The following SYT16 variants were observed in gnomAD, a reference collection of about 807,000 sequenced individuals.
SYT16 encodes synaptotagmin-16.
In SYT16, 42 loss-of-function variants were observed where a neutral mutation model predicts 61.4. The ratio of observed to expected loss-of-function variants is 0.68; its 90% CI spans 0.53 to 0.89. The LOEUF (loss-of-function observed/expected upper bound fraction) is 0.89. Among genes scored for constraint, SYT16 ranks in the 40% least tolerant of loss-of-function variants. The pLI is 0.00. For missense variants in SYT16, 804 were observed against 807.3 expected, an observed-to-expected ratio of 1.00 and a Z score of 0.05; for synonymous variants, 314 against 302.3, an observed-to-expected ratio of 1.04 and a Z score of -0.40.
At chr14:61,816,707 CTTAGT>C (rs1239983223) in intron 1 of SYT16, among the ~76,000 whole-genome samples, 1 of 152,068 alleles carries the variant, frequency 6.6e-6, no homozygotes, top group African/African-American at 2.4e-5. Flanking sequence ...CTCTTTCTTT[CTTAGT>C]TAAGAACTTC....
At position 61,982,387 on chromosome 14, in the gene SYT16, G is replaced by C. The variant is rs139987906; in HGVS notation, c.-145+12076G>C. Among the ~76,000 whole-genome samples the C allele has an allele frequency of 1.6e-4, 25 of 152,226 alleles. No individual in the cohort carries two copies. In the East Asian group the frequency reaches 4.8e-3, roughly 29 times the overall value. ...GTGACTGGGGAGGCCTCACAATCAT[G>C]GTGGAAGGTGAAAGGCACGTCTTAC... On this transcript the variant is annotated intron_variant, in intron 2 of 7. Transcript: ENST00000683842.
chr14:62,048,163 T>C (rs571810887), intron 3 of SYT16, among the ~76,000 whole-genome samples: 31 of 152,342 alleles, frequency 2.0e-4, no homozygotes, highest in African/African-American at 7.5e-4. Flanking sequence ...AATCTGTTAT[T>C]GGTCCATTCA....
Position 62,088,059 on chromosome 14 carries a change from C to CT in SYT16, c.1624+3682dup, listed in dbSNP as rs577561701. 4.7e-4 allele frequency among the ~76,000 whole-genome samples: 71 copies of CT among 151,944 alleles called. No homozygotes were observed. The East Asian group carries it at 0.012, about 25-fold the overall frequency. ...ACCACTTTGGGAAAAGGCGTAGAAG[C>CT]TTTTTTTTATATAAAACTAAACATG... is the stretch of plus-strand genomic sequence containing the variant. On this transcript the variant is annotated intron_variant, in intron 7 of 7. Transcript: ENST00000683842.
intron 1 of SYT16, among the ~76,000 whole-genome samples, chr14:61,864,532 T>G (rs567883955): frequency 6.6e-6 from 1 of 152,322 alleles, no homozygotes; most frequent in South Asian, 2.1e-4. Flanking sequence ...TATGATGTGG[T>G]AGAGATGAGC....
intron 1 of SYT16, among the ~76,000 whole-genome samples, chr14:61,944,336 C>A (rs1017444016): frequency 3.3e-5 from 5 of 152,120 alleles, no homozygotes; most frequent in Non-Finnish European, 7.4e-5. Flanking sequence ...TCAGTGCTAT[C>A]CCCATCAAGC....
intron 1 of SYT16, among the ~76,000 whole-genome samples, chr14:61,829,957 T>C (rs1390258970): frequency 2.0e-5 from 3 of 152,208 alleles, no homozygotes; most frequent in South Asian, 2.1e-4. Flanking sequence ...CCCGGCTTTA[T>C]TGATATATTT....
chr14:61,966,871 G>A (rs998019651), intron 1 of SYT16, among the ~76,000 whole-genome samples: 1 of 152,166 alleles, frequency 6.6e-6, no homozygotes, highest in Non-Finnish European at 1.5e-5. Context: ...TGGCCAATGT[G>A]TTGTAACATA....
intron 1 of SYT16, among the ~76,000 whole-genome samples, chr14:61,848,909 A>G (rs2140267204): frequency 1.3e-5 from 2 of 152,214 alleles, no homozygotes; most frequent in African/African-American, 4.8e-5. Context: ...ACAGGTGGCA[A>G]TGTGCTGGAT....
At chr14:61,991,692 T>G (rs2052555404) in intron 2 of SYT16, among the ~76,000 whole-genome samples, 4 of 152,204 alleles carry the variant, frequency 2.6e-5, no homozygotes. Context: ...ATTTGGCTTC[T>G]TTCCAATTAT....
At chr14:61,872,290 T>C (rs2047356144) in intron 1 of SYT16, among the ~76,000 whole-genome samples, 1 of 152,226 alleles carries the variant, frequency 6.6e-6, no homozygotes, top group South Asian at 2.1e-4. Context: ...ATATATAATG[T>C]TTTGATACTT....
At chr14:62,002,314 A>C (rs1290831285) in intron 3 of SYT16, among the ~76,000 whole-genome samples, 1 of 152,080 alleles carries the variant, frequency 6.6e-6, no homozygotes, top group Non-Finnish European at 1.5e-5. Context: ...ACAGGCTTCA[A>C]AATGCTCTAT....
chr14:61,839,540 G>A (rs888612023), intron 1 of SYT16, among the ~76,000 whole-genome samples: 2 of 152,176 alleles, frequency 1.3e-5, no homozygotes, highest in Non-Finnish European at 2.9e-5. Flanking sequence ...CCGTGAGAAA[G>A]CATCTGCTTG....
chr14:62,025,636 C>T (rs1296147067), intron 3 of SYT16, among the ~76,000 whole-genome samples: 1 of 151,760 alleles, frequency 6.6e-6, no homozygotes, highest in African/African-American at 2.4e-5. Context: ...ATGGATTGTG[C>T]CTTTGGTGAA....
chr14:61,819,327 A>C (rs2045544139), intron 1 of SYT16, among the ~76,000 whole-genome samples: 1 of 152,212 alleles, frequency 6.6e-6, no homozygotes, highest in Non-Finnish European at 1.5e-5. Flanking sequence ...TAAGATGATA[A>C]TCAAACTCAC....
At chr14:61,919,757 C>G (rs1451846698) in intron 1 of SYT16, among the ~76,000 whole-genome samples, 1 of 784 alleles carries the variant, frequency 1.3e-3, no homozygotes, top group Non-Finnish European at 3.5e-3. Context: ...CATGTAACCT[C>G]TCATATCCAT....
At chr14:62,024,135 C>G (rs2054012999) in intron 3 of SYT16, among the ~76,000 whole-genome samples, 1 of 151,978 alleles carries the variant, frequency 6.6e-6, no homozygotes, top group Admixed American at 6.6e-5. Flanking sequence ...ATATAAATAG[C>G]AACTGTTGAC....
chr14:62,099,932 A>G (rs1182954719), intron 7 of SYT16, among the ~76,000 whole-genome samples: 3 of 152,308 alleles, frequency 2.0e-5, no homozygotes, highest in Non-Finnish European at 4.4e-5. Context: ...GCACACACAC[A>G]TACACAGACA....
intron 2 of SYT16, among the ~76,000 whole-genome samples, chr14:61,973,749 T>C (rs1023614727): frequency 6.6e-6 from 1 of 152,140 alleles, no homozygotes; most frequent in Non-Finnish European, 1.5e-5. Flanking sequence ...TCTATGCTTT[T>C]AAGAAAGCAT....
intron 2 of SYT16, among the ~76,000 whole-genome samples, chr14:61,995,641 A>G (rs34620233): frequency 0.02 from 3,067 of 152,216 alleles, 42 homozygotes; most frequent in Non-Finnish European, 0.033. Context: ...CTCTCAGTCC[A>G]CGTGAACAGA....
Sources: allele counts gnomAD v4.1 joint callset (sites outside exome capture counted in the v4.1 genomes callset), GRCh38; gene constraint gnomAD v4.1.1; transcripts MANE v1.5; gene names NCBI Gene and HGNC (gene_info 2026-07-23, HGNC 2026-07-21).